Variants in KLHL1 observed in about 807,000 individuals in gnomAD.
KLHL1 encodes the protein kelch-like protein 1.
KLHL1 carries 47 observed loss-of-function variants against 77.7 expected under a neutral mutation model. That is an observed-to-expected ratio of 0.60 (90% CI 0.48 to 0.77). KLHL1 has a LOEUF of 0.77. Ranked by LOEUF, KLHL1 falls within the 30% of genes least tolerant of loss-of-function variation. KLHL1 has a pLI of 0.00. For synonymous variants in KLHL1, 360 were observed against 325.2 expected, an observed-to-expected ratio of 1.11 and a Z score of -1.15; for missense variants, 925 against 910.8, an observed-to-expected ratio of 1.02 and a Z score of -0.20.
intron 1 of KLHL1, among the ~76,000 whole-genome samples, chr13:70,094,136 G>A (rs1306425387): frequency 6.6e-6 from 1 of 151,976 alleles, no homozygotes; most frequent in Non-Finnish European, 1.5e-5. Context: ...CTTATCAGAG[G>A]TGAAGAGTTA....
At chr13:69,770,422 G>C (rs1280071937) in intron 7 of KLHL1, among the ~76,000 whole-genome samples, 1 of 152,242 alleles carries the variant, frequency 6.6e-6, no homozygotes, top group Non-Finnish European at 1.5e-5. Context: ...TCATTGACAA[G>C]CTGTGAATGC....
At chr13:70,078,547 A>C (rs1887316455) in intron 1 of KLHL1, among the ~76,000 whole-genome samples, 1 of 152,096 alleles carries the variant, frequency 6.6e-6, no homozygotes, top group South Asian at 2.1e-4. Context: ...TTGGCTTGGC[A>C]GTCACACAAA....
chr13:69,720,276 T>A (rs1872984722), intron 8 of KLHL1, among the ~76,000 whole-genome samples: 2 of 150,126 alleles, frequency 1.3e-5, no homozygotes, highest in Non-Finnish European at 1.5e-5. Context: ...GGTACTAACA[T>A]GATTTGAATA....
At chr13:69,848,226 A>G (rs1879546669) in intron 5 of KLHL1, among the ~76,000 whole-genome samples, 1 of 151,528 alleles carries the variant, frequency 6.6e-6, no homozygotes, top group African/African-American at 2.4e-5. Flanking sequence ...AGAGAGAAAA[A>G]TGGACAATTA....
In KLHL1 at chr13:69,925,642, T is replaced by C. The variant is rs548982071; in HGVS notation, c.1014+14398A>G. On this transcript the variant is annotated intron_variant, in intron 4 of 10. Coordinates refer to ENST00000377844, the MANE Select transcript of KLHL1 (RefSeq NM_020866.3). ...TATATATTAATTTGCAGAAGACTGATAGTTGTAAATGATTTTTGCCCTCTG... is the reference window on the plus strand; with the variant it reads ...TATATATTAATTTGCAGAAGACTGACAGTTGTAAATGATTTTTGCCCTCTG... Among the ~76,000 whole-genome samples the C allele has an allele frequency of 1.8e-3, 273 of 150,416 alleles. 2 individuals carry two copies. The highest frequency in any genetic ancestry group is 6.5e-3 in the African/African-American group (266 of 41,060).
intron 1 of KLHL1, among the ~76,000 whole-genome samples, chr13:69,982,569 G>C (rs1193664500): frequency 6.6e-6 from 1 of 150,820 alleles, no homozygotes; most frequent in Non-Finnish European, 1.5e-5. Context: ...AAGTAAGAAA[G>C]AATCTACCAA....
intron 6 of KLHL1, among the ~76,000 whole-genome samples, chr13:69,802,312 C>T (rs114975446): frequency 0.011 from 1,671 of 152,022 alleles, 29 homozygotes; most frequent in African/African-American, 0.038. Flanking sequence ...TTGTAAATGG[C>T]GCTGCAATAA....
At chr13:69,768,415 A>T (rs914009027) in intron 7 of KLHL1, among the ~76,000 whole-genome samples, 2 of 152,166 alleles carry the variant, frequency 1.3e-5, no homozygotes, top group Non-Finnish European at 2.9e-5. Context: ...GGTATGAGTG[A>T]ACAAAGCATG....
Position 70,092,592 on chromosome 13 carries a change from T to C in KLHL1, c.497+14611A>G, listed in dbSNP as rs182065677. Among the ~76,000 whole-genome samples, 417 of 152,328 alleles carry C rather than the reference T, an allele frequency of 2.7e-3. 2 individuals carry two copies. Among genetic ancestry groups the C allele is most frequent in the African/African-American group, 8.9e-3 (370 of 41,580 alleles). On this transcript the variant is annotated intron_variant, in intron 1 of 10. Coordinates refer to ENST00000377844, the MANE Select transcript of KLHL1 (RefSeq NM_020866.3). Reference sequence around the variant, plus strand: ...TGAAAAATAGCACTTGATATTATAATGATTCGTAGAATGTAAAGCATTCAA... The same window carrying C: ...TGAAAAATAGCACTTGATATTATAACGATTCGTAGAATGTAAAGCATTCAA...
At chr13:69,918,669 A>G (rs1350525135) in intron 4 of KLHL1, among the ~76,000 whole-genome samples, 1 of 152,162 alleles carries the variant, frequency 6.6e-6, no homozygotes, top group South Asian at 2.1e-4. Context: ...ACAAGACAAT[A>G]TAACAAAAGG....
At chr13:69,849,980 T>C (rs1033682790) in intron 5 of KLHL1, among the ~76,000 whole-genome samples, 1 of 151,590 alleles carries the variant, frequency 6.6e-6, no homozygotes, top group African/African-American at 2.4e-5. Context: ...GAAACCTCTT[T>C]GCTAAACAAT....
intron 4 of KLHL1, among the ~76,000 whole-genome samples, chr13:69,891,692 G>A (rs1016015513): frequency 1.7e-4 from 26 of 151,744 alleles, no homozygotes; most frequent in African/African-American, 6.0e-4. Context: ...GGTTTGTTTC[G>A]AATATCAATT....
intron 2 of KLHL1, among the ~76,000 whole-genome samples, chr13:69,966,842 T>A (rs145063187): frequency 6.6e-6 from 1 of 152,150 alleles, no homozygotes; most frequent in Non-Finnish European, 1.5e-5. Context: ...TAGCAACTAC[T>A]TATGAGTGAA....
chr13:69,854,399 A>G (rs1289045218), intron 5 of KLHL1, among the ~76,000 whole-genome samples: 1 of 151,954 alleles, frequency 6.6e-6, no homozygotes, highest in African/African-American at 2.4e-5. Context: ...CTCCCAGGAA[A>G]GCATAGAGTG....
At chr13:70,029,372 C>A (rs1197707443) in intron 1 of KLHL1, among the ~76,000 whole-genome samples, 1 of 152,162 alleles carries the variant, frequency 6.6e-6, no homozygotes, top group African/African-American at 2.4e-5. Flanking sequence ...CTTTACACTC[C>A]AACTTGATGA....
At chr13:70,035,530 GAAAC>G (rs1465859186) in intron 1 of KLHL1, among the ~76,000 whole-genome samples, 2 of 152,006 alleles carry the variant, frequency 1.3e-5, no homozygotes, top group East Asian at 1.9e-4. Flanking sequence ...ATTTGATAGT[GAAAC>G]AAACTAAATA....
At chr13:70,011,018 T>C (rs1261180148) in intron 1 of KLHL1, among the ~76,000 whole-genome samples, 3 of 152,074 alleles carry the variant, frequency 2.0e-5, no homozygotes, top group Admixed American at 1.3e-4. Flanking sequence ...AGTTAAGATG[T>C]TGAGTAATAA....
At chr13:69,971,582 C>T (rs1485762815) in intron 2 of KLHL1, among the ~76,000 whole-genome samples, 1 of 151,874 alleles carries the variant, frequency 6.6e-6, no homozygotes, top group African/African-American at 2.4e-5. Flanking sequence ...AAATAGTATG[C>T]CATGTCTTTT....
At chr13:69,856,506 G>T (rs1376221202) in intron 5 of KLHL1, among the ~76,000 whole-genome samples, 3 of 152,002 alleles carry the variant, frequency 2.0e-5, no homozygotes, top group Non-Finnish European at 4.4e-5. Flanking sequence ...TGCAAGCAGG[G>T]TAAAATCGCA....
Sources: allele counts gnomAD v4.1 joint callset (sites outside exome capture counted in the v4.1 genomes callset), GRCh38; gene constraint gnomAD v4.1.1; transcripts MANE v1.5; gene names NCBI Gene and HGNC (gene_info 2026-07-23, HGNC 2026-07-21).